The following NRCAM variants were observed in gnomAD, a reference collection of about 807,000 sequenced individuals.
NRCAM encodes the protein NgCAM-related cell adhesion molecule.
Under a neutral mutation model 156.5 loss-of-function variants are expected in NRCAM, and 83 were observed. That is an observed-to-expected ratio of 0.53 (90% CI 0.44 to 0.64). The LOEUF (loss-of-function observed/expected upper bound fraction) is 0.64. NRCAM is among the 30% of genes least tolerant of loss of function. The pLI, the probability that NRCAM is intolerant of heterozygous loss-of-function variation, is 0.00. For synonymous variants in NRCAM, 538 were observed against 563.9 expected, an observed-to-expected ratio of 0.95 and a Z score of 0.65; for missense variants, 1,417 against 1,597.3, an observed-to-expected ratio of 0.89 and a Z score of 1.92.
At chr7:108,379,782 G>T (rs1352870410) in intron 2 of NRCAM, among the ~76,000 whole-genome samples, 2 of 152,132 alleles carry the variant, frequency 1.3e-5, no homozygotes, top group African/African-American at 2.4e-5. Flanking sequence ...ATTAGACACA[G>T]CTAAAGAGAG....
At chr7:108,227,613 CTGTG>C (rs1262155926) in intron 8 of NRCAM, among the ~76,000 whole-genome samples, 2 of 152,154 alleles carry the variant, frequency 1.3e-5, no homozygotes, top group Admixed American at 6.5e-5. Context: ...AACGATTGAT[CTGTG>C]TGTGAGTTCA....
At chr7:108,318,444 T>C (rs2098958334) in intron 2 of NRCAM, among the ~76,000 whole-genome samples, 1 of 152,116 alleles carries the variant, frequency 6.6e-6, no homozygotes, top group Non-Finnish European at 1.5e-5. Context: ...TCTAGGATAA[T>C]GATGGTTAAA....
chr7:108,154,358 TAG>T (rs2043575443), intron 32 of NRCAM, among the ~76,000 whole-genome samples: 1 of 152,176 alleles, frequency 6.6e-6, no homozygotes, highest in South Asian at 2.1e-4. Context: ...TGCTGATACA[TAG>T]AAATATAAGA....
chr7:108,315,007 AC>A (rs150711707), intron 2 of NRCAM, among the ~76,000 whole-genome samples: 2 of 146,446 alleles, frequency 1.4e-5, no homozygotes, highest in African/African-American at 2.5e-5. Flanking sequence ...GATTGCCCCC[AC>A]CCCCCCAACA....
At position 108,225,693 on chromosome 7, in the gene NRCAM, A is replaced by G. The variant is rs2093323948; in HGVS notation, c.730T>C (p.Leu244=). The change falls in exon 10 of 33, where the codon TTG becomes CTG. Residue 244 remains leucine (L), a synonymous_variant. Transcript: ENST00000379028. ...AAATTAGCAGCTATAGTGTCATTCA[A>G]TTCATCCACTGAAATAAACAGAATA... ...ISVKVISVDE[L]NDTIAANLSD... 2 of 1,595,078 alleles carry G rather than the reference A, an allele frequency of 1.3e-6. No homozygotes were observed. Among genetic ancestry groups the G allele is most frequent in the Non-Finnish European group, 1.7e-6 (2 of 1,162,920 alleles).
intron 14 of NRCAM, among the ~76,000 whole-genome samples, chr7:108,196,902 T>C (rs1339905773): frequency 6.6e-6 from 1 of 152,186 alleles, no homozygotes; most frequent in African/African-American, 2.4e-5. Flanking sequence ...CCCTTGTTCA[T>C]TGCAGTATTA....
At chr7:108,412,217 G>A (rs2154416211) in intron 1 of NRCAM, among the ~76,000 whole-genome samples, 1 of 151,158 alleles carries the variant, frequency 6.6e-6, no homozygotes, top group South Asian at 2.1e-4. Context: ...TAGAGTGTAA[G>A]CCAAAGCATG....
At position 108,404,456 on chromosome 7, in the gene NRCAM, C is replaced by T. The variant is rs569470440; in HGVS notation, c.-331-4863G>A. ...TAATCTCATTTAATACTGAAAACGT[C>T]GTTTTTCTAGCATTTTACAGATTTA... On this transcript the variant is annotated intron_variant, in intron 1 of 32. Transcript: ENST00000379028. Among the ~76,000 whole-genome samples, 9 of 152,184 alleles carry T rather than the reference C, an allele frequency of 5.9e-5. No homozygotes were observed. The East Asian group carries it at 1.2e-3, about 20-fold the overall frequency.
intron 3 of NRCAM, among the ~76,000 whole-genome samples, chr7:108,265,552 G>C (rs2097071019): frequency 6.6e-6 from 1 of 152,066 alleles, no homozygotes; most frequent in South Asian, 2.1e-4. Flanking sequence ...GCTTCCTTCT[G>C]GAAACTCCTA....
Position 108,240,051 on chromosome 7 carries a change from AT to A in NRCAM, c.13del (p.Ile5Ter). ...AGATAAGCGCTTCTTTTTCGGCATT[AT>A]TTTAAGCTGCATTAGCTTAACTCCT... MQLK[I>X]MPKKKRLSAG... On this transcript the variant is annotated frameshift_variant, in exon 4 of 33. Transcript: ENST00000379028. LOFTEE classifies it high-confidence loss of function. 1 of 1,612,604 alleles carries A rather than the reference AT, an allele frequency of 6.2e-7. No individual in the cohort carries two copies. The highest frequency in any genetic ancestry group is 8.5e-7 in the Non-Finnish European group (1 of 1,178,812).
At chr7:108,268,295 A>G (rs2097184359) in intron 3 of NRCAM, among the ~76,000 whole-genome samples, 1 of 152,200 alleles carries the variant, frequency 6.6e-6, no homozygotes, top group African/African-American at 2.4e-5. Flanking sequence ...CAGGAAAAGA[A>G]GCAGTGGATG....
rs1463118074 is a variant in NRCAM, at chr7:108,149,984, C to T, written c.3841G>A (p.Glu1281Lys). The change falls in exon 33 of 33, where the codon GAG becomes AAG. Residue 1281 changes from glutamate to lysine, a missense_variant. Physicochemically the swap from Glu to Lys is moderately conservative, Grantham distance 56. Coordinates refer to ENST00000379028, the MANE Select transcript of NRCAM (RefSeq NM_001037132.4). ...TCGTTTCCTTCAGCCGGCTCTTTCT[C>T]TTTCTTACCACTGTATTGTCCAATA... ...SFIGQYSGKKEKEPAEGNESS... is the reference protein window; with the variant it reads ...SFIGQYSGKKKKEPAEGNESS... 1 of 1,614,044 alleles carries T rather than the reference C, an allele frequency of 6.2e-7. No individual in the cohort carries two copies. The highest frequency in any genetic ancestry group is 1.1e-5 in the South Asian group (1 of 91,064).
Position 108,153,157 on chromosome 7 carries a change from C to T in NRCAM, c.3678-3010G>A, listed in dbSNP as rs73197639. On this transcript the variant is annotated intron_variant, in intron 32 of 32. Coordinates refer to ENST00000379028, the MANE Select transcript of NRCAM (RefSeq NM_001037132.4). ...AGAATGCTTTAAGAAAGTCAAACTA[C>T]AGGCTAATCTCATTCATGAACATAG... Among the ~76,000 whole-genome samples, 1,196 of 152,176 alleles carry T rather than the reference C, an allele frequency of 7.9e-3. 9 individuals are homozygous for T. Among genetic ancestry groups the T allele is most frequent in the Non-Finnish European group, 9.5e-3 (646 of 67,974 alleles).
intron 2 of NRCAM, among the ~76,000 whole-genome samples, chr7:108,365,907 T>A (rs1376093955): frequency 6.6e-6 from 1 of 152,256 alleles, no homozygotes; most frequent in Non-Finnish European, 1.5e-5. Flanking sequence ...GTGGTCTGAA[T>A]GCATCTCTCA....
intron 1 of NRCAM, among the ~76,000 whole-genome samples, chr7:108,431,778 C>T (rs1825563286): frequency 6.6e-6 from 1 of 152,140 alleles, no homozygotes; most frequent in South Asian, 2.1e-4. Flanking sequence ...AAGCGAGATG[C>T]TGTCTCAAAC....
intron 3 of NRCAM, among the ~76,000 whole-genome samples, chr7:108,294,136 G>A (rs1286161435): frequency 6.6e-6 from 1 of 150,940 alleles, no homozygotes; most frequent in African/African-American, 2.4e-5. Flanking sequence ...AGGAGCAGTA[G>A]GGTTGATGTG....
chr7:108,245,272 CTCT>C (rs1005566936), intron 3 of NRCAM, among the ~76,000 whole-genome samples: 1 of 152,082 alleles, frequency 6.6e-6, no homozygotes, highest in Non-Finnish European at 1.5e-5. Flanking sequence ...CTCCTATATC[CTCT>C]TATTTTTTAA....
At chr7:108,420,452 T>C (rs546680671) in intron 1 of NRCAM, among the ~76,000 whole-genome samples, 1 of 152,176 alleles carries the variant, frequency 6.6e-6, no homozygotes, top group Non-Finnish European at 1.5e-5. Flanking sequence ...AGTAAATAAA[T>C]AGGCGAATAG....
At chr7:108,264,206 C>T (rs2096997051) in intron 3 of NRCAM, among the ~76,000 whole-genome samples, 1 of 152,158 alleles carries the variant, frequency 6.6e-6, no homozygotes, top group Non-Finnish European at 1.5e-5. Flanking sequence ...GAACTCCTGA[C>T]CTCAAATGAT....
Sources: allele counts gnomAD v4.1 joint callset (sites outside exome capture counted in the v4.1 genomes callset), GRCh38; gene constraint gnomAD v4.1.1; transcripts MANE v1.5; gene names NCBI Gene and HGNC (gene_info 2026-07-23, HGNC 2026-07-21).